Variants in DEFB106A observed in about 807,000 individuals in gnomAD.
DEFB106A encodes beta-defensin 106.
For missense variants in DEFB106A, 4 were observed against 63.7 expected, an observed-to-expected ratio of 0.06 and a Z score of 3.19; for synonymous variants, 1 against 22.5, an observed-to-expected ratio of 0.04 and a Z score of 2.70.
chr8:7,827,468 A>G lies in DEFB106A; in HGVS notation c.50-1337A>G, dbSNP rs375627974. ...ATAATACTCTAGTATATAGTATAGT[A>G]TATATACTGGTATGATAATATAGTA... is the stretch of plus-strand genomic sequence containing the variant. On this transcript the variant is annotated intron_variant, in intron 1 of 1. Transcript: ENST00000335186. Among the ~76,000 whole-genome samples, 70 of 47,630 alleles carry G rather than the reference A, an allele frequency of 1.5e-3. 1 individual carries two copies. The highest frequency in any genetic ancestry group is 4.9e-3 in the South Asian group (6 of 1,232). The allele number at this position is 47,630 out of a possible 152,430, so 31.2% of individuals were successfully genotyped here.
intron 1 of DEFB106A, among the ~76,000 whole-genome samples, chr8:7,826,632 G>C (rs1484138891): frequency 7.1e-6 from 1 of 141,180 alleles, no homozygotes; most frequent in African/African-American, 2.5e-5. Flanking sequence ...ATACTATATA[G>C]TATTGTACTA....
At chr8:7,827,428 A>G (rs1426640228) in intron 1 of DEFB106A, among the ~76,000 whole-genome samples, 1 of 116,906 alleles carries the variant, frequency 8.6e-6, no homozygotes, top group African/African-American at 3.1e-5. Flanking sequence ...TCTAGTATAT[A>G]GTATATATAC....
At chr8:7,827,643 A>T (rs1384538924) in intron 1 of DEFB106A, among the ~76,000 whole-genome samples, 1 of 130,360 alleles carries the variant, frequency 7.7e-6, no homozygotes. Context: ...TATATAGTAT[A>T]GTATATATAC....
chr8:7,828,077 A>G (rs1443923420), intron 1 of DEFB106A, among the ~76,000 whole-genome samples: 7 of 142,122 alleles, frequency 4.9e-5, no homozygotes, highest in Non-Finnish European at 1.6e-5. Context: ...CATTATATAT[A>G]CACAAATTGG....
intron 1 of DEFB106A, among the ~76,000 whole-genome samples, chr8:7,827,104 A>G (rs1457380555): frequency 8.2e-6 from 1 of 122,490 alleles, no homozygotes; most frequent in Admixed American, 9.1e-5. Context: ...ATAGCATAGT[A>G]TACATACTAG....
At chr8:7,826,435 A>T (rs1817399278) in intron 1 of DEFB106A, among the ~76,000 whole-genome samples, 1 of 148,556 alleles carries the variant, frequency 6.7e-6, no homozygotes, top group South Asian at 2.1e-4. Context: ...CTTATCTATA[A>T]TTACATAATG....
intron 1 of DEFB106A, among the ~76,000 whole-genome samples, chr8:7,827,431 A>ATAGTG (rs1563448269): frequency 1.7e-5 from 2 of 116,046 alleles, no homozygotes; most frequent in East Asian, 5.1e-4. Context: ...AGTATATAGT[A>ATAGTG]TATATACTAG....
At chr8:7,826,506 C>T (rs1165232369) in intron 1 of DEFB106A, among the ~76,000 whole-genome samples, 15 of 148,914 alleles carry the variant, frequency 1.0e-4, no homozygotes, top group South Asian at 2.1e-4. Flanking sequence ...GAGTATAATA[C>T]TATAATACAA....
At chr8:7,826,422 A>G (rs1326954372) in intron 1 of DEFB106A, among the ~76,000 whole-genome samples, 1 of 148,854 alleles carries the variant, frequency 6.7e-6, no homozygotes, top group African/African-American at 2.4e-5. Context: ...GTAATTACAG[A>G]TACTTATCTA....
rs1817506701 is a variant in DEFB106A at position 7,829,045 on chromosome 8, AT to A, written c.*93del. Reference sequence around the variant, plus strand: ...TAGGCAGACACTTTAATAAAAATAAATGACTGTCTTTGCTCAGTTTGTCAAG... The same window carrying A: ...TAGGCAGACACTTTAATAAAAATAAAGACTGTCTTTGCTCAGTTTGTCAAG... On this transcript the variant is annotated 3_prime_UTR_variant, in exon 2 of 2. Transcript: ENST00000335186. 2.3e-5 allele frequency: 14 copies of A among 598,066 alleles called. No individual in the cohort carries two copies. The highest frequency in any genetic ancestry group is 3.7e-5 in the African/African-American group (2 of 53,404). The allele number at this position is 598,066 out of a possible 1,614,324, so 37.0% of individuals were successfully genotyped here. A position where few individuals can be genotyped will look rare whatever the true frequency, so the allele number is the denominator to read the frequency against.
rs368772606 is a variant in DEFB106A, at chr8:7,826,670, A to ATTT, written c.49+1459_49+1461dup. Among the ~76,000 whole-genome samples, 395 of 104,606 alleles carry ATTT rather than the reference A, an allele frequency of 3.8e-3. 3 individuals carry two copies. Among genetic ancestry groups the ATTT allele is most frequent in the African/African-American group, 8.9e-3 (272 of 30,670 alleles). The allele number at this position is 104,606 out of a possible 152,430, so 68.6% of individuals were successfully genotyped here. A position where few individuals can be genotyped will look rare whatever the true frequency, so the allele number is the denominator to read the frequency against. The stretch of plus-strand genomic sequence containing the variant: ...ATATATTATATATATATATATACAT[A>ATTT]TTTTTTTTTTTTTTTTGAGATAGAG... On this transcript the variant is annotated intron_variant, in intron 1 of 1. Transcript: ENST00000335186.
intron 1 of DEFB106A, among the ~76,000 whole-genome samples, chr8:7,827,208 G>T (rs1387772015): frequency 6.1e-5 from 1 of 16,524 alleles, no homozygotes; most frequent in African/African-American, 7.3e-5. Flanking sequence ...CTAGTATATA[G>T]TATAGTGTAT....
At chr8:7,827,190 AT>A (rs1817428096) in intron 1 of DEFB106A, among the ~76,000 whole-genome samples, 1 of 35,668 alleles carries the variant, frequency 2.8e-5, no homozygotes, top group Non-Finnish European at 8.1e-5. Flanking sequence ...ATATACTAGT[AT>A]AATACACTAG....
At chr8:7,826,194 TTC>T (rs1207287055) in intron 1 of DEFB106A, among the ~76,000 whole-genome samples, 1 of 131,756 alleles carries the variant, frequency 7.6e-6, no homozygotes, top group Non-Finnish European at 1.6e-5. Flanking sequence ...TGAGAGTAGA[TTC>T]TGTGTCAAAA....
chr8:7,826,939 A>G lies in DEFB106A; in HGVS notation c.49+1714A>G, dbSNP rs1288609676. On this transcript the variant is annotated intron_variant, in intron 1 of 1. Transcript: ENST00000335186. ...CTCCTCAGCCTCCCAAAGTGCTGGG[A>G]TTATAGGTGTGAGACACTGCACCTG... Among the ~76,000 whole-genome samples, 141 of 118,282 alleles carry G rather than the reference A, an allele frequency of 1.2e-3. 1 individual carries two copies. Among genetic ancestry groups the G allele is most frequent in the Non-Finnish European group, 1.6e-3 (89 of 54,008 alleles). The allele number at this position is 118,282 out of a possible 152,430, so 77.6% of individuals were successfully genotyped here. A position where few individuals can be genotyped will look rare whatever the true frequency, so the allele number is the denominator to read the frequency against.
In DEFB106A at chr8:7,827,777, G is replaced by A. The variant is rs1270649120; in HGVS notation, c.50-1028G>A. 1.0e-2 allele frequency among the ~76,000 whole-genome samples: 1,181 copies of A among 118,188 alleles called. 15 individuals are homozygous for A. The highest frequency in any genetic ancestry group is 0.026 in the South Asian group (83 of 3,176). The allele number at this position is 118,188 out of a possible 152,430, so 77.5% of individuals were successfully genotyped here. A position where few individuals can be genotyped will look rare whatever the true frequency, so the allele number is the denominator to read the frequency against. On this transcript the variant is annotated intron_variant, in intron 1 of 1. Transcript: ENST00000335186. ...CAAAAAGATTTTATCTGAATACCACGCTATAGTCTATAGTATAGTATTATA... is the reference window on the plus strand; with the variant it reads ...CAAAAAGATTTTATCTGAATACCACACTATAGTCTATAGTATAGTATTATA...
At chr8:7,828,679 T>C (rs1585691130) in intron 1 of DEFB106A, 126 bp from the exon 2 acceptor site, 1 of 122,704 alleles carries the variant, frequency 8.1e-6, no homozygotes, top group African/African-American at 3.3e-5. Flanking sequence ...CCATCTCATT[T>C]ACCGGTAGGA....
At chr8:7,826,252 C>G (rs1817392349) in intron 1 of DEFB106A, among the ~76,000 whole-genome samples, 2 of 148,598 alleles carry the variant, frequency 1.3e-5, no homozygotes, top group South Asian at 4.4e-4. Context: ...ATTCAGGCCA[C>G]TGGTTTTGAT....
chr8:7,828,219 C>A (rs1280734910), intron 1 of DEFB106A, among the ~76,000 whole-genome samples: 3 of 149,566 alleles, frequency 2.0e-5, no homozygotes, highest in Non-Finnish European at 4.5e-5. Context: ...CTGAGAAAAT[C>A]TTAGAAAAAC....
Sources: gnomAD v4.1 joint callset for allele counts (sites outside exome capture counted in the v4.1 genomes callset) on GRCh38, gnomAD v4.1.1 for gene constraint, MANE v1.5 for transcripts, NCBI Gene and HGNC (gene_info 2026-07-23, HGNC 2026-07-21) for gene names.